ARB2A: variants seen among roughly 807,000 people sequenced by gnomAD.
ARB2A encodes ARB2 cotranscriptional regulator A, also known as cotranscriptional regulator ARB2A.
chr5:93,620,223 CATT>C, the ARB2A span: 9 of 152,226 alleles, frequency 5.9e-5, no homozygotes, highest in Admixed American at 2.0e-4. Context: ...AGCTGCCCAT[CATT>C]GTTTTGGTTT....
At chr5:93,646,459 A>G in the ARB2A span, among the ~76,000 whole-genome samples, 1 of 152,132 alleles carries the variant, frequency 6.6e-6, no homozygotes. Context: ...AAACACACAC[A>G]ATATAAGTGG....
chr5:93,722,133 T>C, the ARB2A span, among the ~76,000 whole-genome samples: 1 of 152,134 alleles, frequency 6.6e-6, no homozygotes, highest in African/African-American at 2.4e-5. Flanking sequence ...CCACCAGTGG[T>C]GTGTGTATAA....
At chr5:94,109,264 T>C in the ARB2A span, among the ~76,000 whole-genome samples, 1 of 152,190 alleles carries the variant, frequency 6.6e-6, no homozygotes, top group Non-Finnish European at 1.5e-5. Context: ...TTGGCAGTTG[T>C]CAGGGGCTGA....
chr5:93,844,924 A>G, the ARB2A span, among the ~76,000 whole-genome samples: 1 of 152,198 alleles, frequency 6.6e-6, no homozygotes, highest in Admixed American at 6.5e-5. Context: ...CTGCAGTATC[A>G]GCTGAGGACA....
the ARB2A span, among the ~76,000 whole-genome samples, chr5:93,961,510 C>A: frequency 6.6e-6 from 1 of 152,078 alleles, no homozygotes; most frequent in Admixed American, 6.6e-5. Context: ...CATAGTGAGA[C>A]CCTGTCTCTA....
the ARB2A span, among the ~76,000 whole-genome samples, chr5:93,826,527 A>G: frequency 1.3e-5 from 2 of 152,204 alleles, no homozygotes; most frequent in East Asian, 3.9e-4. Context: ...GAACCTCTAC[A>G]AATCTGTCTA....
At chr5:93,655,168 CA>C in the ARB2A span, among the ~76,000 whole-genome samples, 2 of 152,218 alleles carry the variant, frequency 1.3e-5, no homozygotes, top group Non-Finnish European at 2.9e-5. Context: ...GGATTTTATA[CA>C]TTCTGAAGCA....
the ARB2A span, among the ~76,000 whole-genome samples, chr5:93,986,341 G>A: frequency 2.2e-4 from 33 of 150,222 alleles, no homozygotes; most frequent in Middle Eastern, 0.014. Context: ...GCCCCCGCCC[G>A]GCAGCCACCG....
At chr5:93,906,768 ACT>A in the ARB2A span, among the ~76,000 whole-genome samples, 2 of 151,414 alleles carry the variant, frequency 1.3e-5, no homozygotes, top group African/African-American at 2.4e-5. Context: ...CCCCAAAAAG[ACT>A]CTGCTAAGTT....
the ARB2A span, among the ~76,000 whole-genome samples, chr5:94,077,918 CTA>C: frequency 6.6e-6 from 1 of 152,188 alleles, no homozygotes; most frequent in Non-Finnish European, 1.5e-5. Flanking sequence ...CCTTTCCTTT[CTA>C]TGATTCCAAC....
the ARB2A span, among the ~76,000 whole-genome samples, chr5:94,042,255 G>A: frequency 6.7e-6 from 1 of 148,338 alleles, no homozygotes; most frequent in Non-Finnish European, 1.5e-5. Flanking sequence ...CTGAACATTA[G>A]AATAAAAGTA....
the ARB2A span, among the ~76,000 whole-genome samples, chr5:94,030,246 C>T: frequency 6.6e-6 from 1 of 152,212 alleles, no homozygotes; most frequent in African/African-American, 2.4e-5. Flanking sequence ...GATCAGAAGT[C>T]TGGGTTGATT....
At chr5:93,641,917 A>G in the ARB2A span, among the ~76,000 whole-genome samples, 2 of 152,200 alleles carry the variant, frequency 1.3e-5, no homozygotes, top group African/African-American at 4.8e-5. Flanking sequence ...GAGATGTGGT[A>G]AGGACTTGTT....
the ARB2A span, among the ~76,000 whole-genome samples, chr5:93,986,380 C>T: frequency 1.3e-5 from 2 of 150,900 alleles, no homozygotes; most frequent in South Asian, 2.1e-4. Context: ...CGCCCCCGCC[C>T]GGCAGCTGCC....
chr5:93,736,013 G>C, the ARB2A span: 17 of 152,160 alleles, frequency 1.1e-4, no homozygotes, highest in East Asian at 3.3e-3. Flanking sequence ...AGTTTTTCTT[G>C]AGCACTGATG....
At chr5:93,658,832 AT>A in the ARB2A span, among the ~76,000 whole-genome samples, 1 of 151,762 alleles carries the variant, frequency 6.6e-6, no homozygotes, top group Non-Finnish European at 1.5e-5. Context: ...ATGGCCAATT[AT>A]CTTTATTTCT....
At chr5:94,030,261 TG>T in the ARB2A span, among the ~76,000 whole-genome samples, 58 of 152,360 alleles carry the variant, frequency 3.8e-4, no homozygotes, top group East Asian at 0.011. Context: ...TTGATTCCAC[TG>T]GTTTCTCTGC....
At chr5:93,977,869 T>C in the ARB2A span, among the ~76,000 whole-genome samples, 4 of 152,154 alleles carry the variant, frequency 2.6e-5, no homozygotes, top group South Asian at 8.3e-4. Flanking sequence ...ACTATGCATC[T>C]GACAAAGGAT....
the ARB2A span, among the ~76,000 whole-genome samples, chr5:93,703,370 G>T: frequency 1.3e-5 from 2 of 152,126 alleles, no homozygotes; most frequent in Non-Finnish European, 2.9e-5. Context: ...TTACTCATCT[G>T]TAAAAAAAGA....
Sources: gnomAD v4.1 joint callset for allele counts (sites outside exome capture counted in the v4.1 genomes callset) on GRCh38, gnomAD v4.1.1 for gene constraint, MANE v1.5 for transcripts, NCBI Gene and HGNC (gene_info 2026-07-23, HGNC 2026-07-21) for gene names.